The following DEFB114 variants were observed in gnomAD, a reference collection of about 807,000 sequenced individuals.
DEFB114 encodes beta-defensin 114.
Under a neutral mutation model 2.4 loss-of-function variants are expected in DEFB114, and 4 were observed. That is an observed-to-expected ratio of 1.67 (90% CI 0.82 to 3.82). DEFB114 has a LOEUF of 3.82. Ranked by LOEUF, DEFB114 falls within the 30% of genes most tolerant of loss-of-function variation. DEFB114 has a pLI of 0.01. For synonymous variants in DEFB114, 35 were observed against 24.6 expected, an observed-to-expected ratio of 1.42 and a Z score of -1.26; for missense variants, 113 against 85.8, an observed-to-expected ratio of 1.32 and a Z score of -1.25.
chr6:49,961,436 C>A (rs993364213), intron 1 of DEFB114, among the ~76,000 whole-genome samples: 1 of 150,516 alleles, frequency 6.6e-6, no homozygotes, highest in Non-Finnish European at 1.5e-5. Context: ...AATTTCTTCA[C>A]CTCTTTAAAT....
intron 1 of DEFB114, among the ~76,000 whole-genome samples, chr6:49,960,797 GT>G (rs528595983): frequency 6.6e-6 from 1 of 150,564 alleles, no homozygotes; most frequent in Non-Finnish European, 1.5e-5. Context: ...CATATCTAAA[GT>G]TTTTAATATT....
chr6:49,963,159 C>A (rs1773489890), intron 1 of DEFB114, among the ~76,000 whole-genome samples: 1 of 150,020 alleles, frequency 6.7e-6, no homozygotes, highest in Non-Finnish European at 1.5e-5. Flanking sequence ...TTTATGAGAT[C>A]AACAATACCT....
At chr6:49,961,315 TTTTA>T (rs1484373301) in intron 1 of DEFB114, among the ~76,000 whole-genome samples, 1 of 150,702 alleles carries the variant, frequency 6.6e-6, no homozygotes, top group African/African-American at 2.4e-5. Context: ...CATCATAGTA[TTTTA>T]TTTATTATAG....
rs754276819 is a variant in DEFB114 at position 49,960,324 on chromosome 6, C to T, written c.178G>A (p.Glu60Lys). The change falls in exon 2 of 2, where the codon GAG (glutamate) becomes AAG (lysine). Residue 60 changes from glutamate (E) to lysine (K), a missense_variant. Transcript: ENST00000322066. ...ATATCATCTTCTTCATACAATTTCT[C>T]AGTGCAGCAAATTTTTCTTGGTAAG... ...CSLPRKICCT[E>K]KLYEEDDMF 5 of 1,606,114 alleles carry T rather than the reference C, an allele frequency of 3.1e-6. No homozygotes were observed. The Admixed American group carries it at 8.5e-5, about 27-fold the overall frequency.
At chr6:49,962,921 G>GA (rs753869010) in intron 1 of DEFB114, among the ~76,000 whole-genome samples, 4 of 149,826 alleles carry the variant, frequency 2.7e-5, no homozygotes, top group Admixed American at 6.7e-5. Flanking sequence ...GATAATTTCT[G>GA]AAAAAATTAC....
chr6:49,961,197 T>A (rs1263337506), intron 1 of DEFB114, among the ~76,000 whole-genome samples: 2 of 150,728 alleles, frequency 1.3e-5, no homozygotes, highest in Admixed American at 1.3e-4. Flanking sequence ...ATATTCAATT[T>A]AAAAAATGTA....
intron 1 of DEFB114, 78 bp from the exon 2 acceptor site, chr6:49,960,524 G>A: frequency 1.4e-6 from 2 of 1,412,820 alleles, no homozygotes; most frequent in Non-Finnish European, 9.4e-7. Context: ...AGAGTATGAT[G>A]TGTACATTGT....
At chr6:49,963,328 T>C (rs1038121838) in intron 1 of DEFB114, among the ~76,000 whole-genome samples, 1 of 150,216 alleles carries the variant, frequency 6.7e-6, no homozygotes, top group African/African-American at 2.4e-5. Flanking sequence ...CACTTTTTCT[T>C]TACAGTTTTG....
At chr6:49,961,294 A>C (rs746892261) in intron 1 of DEFB114, among the ~76,000 whole-genome samples, 1 of 150,740 alleles carries the variant, frequency 6.6e-6, no homozygotes, top group African/African-American at 2.4e-5. Flanking sequence ...AAATTCTTGC[A>C]TAGATTTTTT....
rs1284879677 is a variant in DEFB114 at position 49,960,251 on chromosome 6, G to GT, written c.*40dup. 1 of 1,549,828 alleles carries GT rather than the reference G, an allele frequency of 6.5e-7. No homozygotes were observed. The highest frequency in any genetic ancestry group is 2.3e-5 in the East Asian group (1 of 42,798). ...TATATTCCCACACCTCTCTGCACTG[G>GT]TGCACATGTAACTTCTTTGTTCAGA... is the stretch of plus-strand genomic sequence containing the variant. On this transcript the variant is annotated 3_prime_UTR_variant, in exon 2 of 2. Coordinates refer to ENST00000322066, the MANE Select transcript of DEFB114 (RefSeq NM_001037499.2).
At chr6:49,960,472 A>G (rs769069775) in intron 1 of DEFB114, 26 bp from the exon 2 acceptor site, 48 of 1,571,384 alleles carry the variant, frequency 3.1e-5, no homozygotes, top group Non-Finnish European at 4.0e-5. Context: ...AGTAACAGAA[A>G]TTCTAATCTT....
intron 1 of DEFB114, 71 bp from the exon 2 acceptor site, chr6:49,960,517 G>A (rs2113911394): frequency 6.9e-7 from 1 of 1,459,396 alleles, no homozygotes; most frequent in Non-Finnish European, 9.2e-7. Flanking sequence ...ATTTCATAGA[G>A]TATGATGTGT....
At position 49,960,584 on chromosome 6, in the gene DEFB114, C is replaced by T. The variant is rs1020740563; in HGVS notation, c.56-138G>A. The T allele has an allele frequency of 5.2e-6, 4 of 772,698 alleles. No individual in the cohort carries two copies. In the African/African-American group the frequency reaches 7.3e-5, roughly 14 times the overall value. The allele number at this position is 772,698 out of a possible 1,614,324, so 47.9% of individuals were successfully genotyped here. On this transcript the variant is annotated intron_variant, in intron 1 of 1. Transcript: ENST00000322066. ...AAAATAAATCCATGTATATCTTATA[C>T]CCCATGTATATATAACTATCTTATA...
intron 1 of DEFB114, 107 bp from the exon 2 acceptor site, chr6:49,960,553 C>T (rs1482408944): frequency 8.5e-7 from 1 of 1,179,262 alleles, no homozygotes; most frequent in Non-Finnish European, 1.1e-6. Context: ...TAGAAAATAC[C>T]AAAAAAAAAT....
rs541569350 is a variant in DEFB114, at chr6:49,962,736, T to C, written c.55+1315A>G. On this transcript the variant is annotated intron_variant, in intron 1 of 1. Transcript: ENST00000322066. ...GCATCTCAGGTTATTTGGAATGAGATTTTGGATGTGGTAAGAGGCAATAGT... is the reference window on the plus strand; with the variant it reads ...GCATCTCAGGTTATTTGGAATGAGACTTTGGATGTGGTAAGAGGCAATAGT... Among the ~76,000 whole-genome samples the C allele has an allele frequency of 4.7e-4, 71 of 150,466 alleles. 1 individual carries two copies. Among genetic ancestry groups the C allele is most frequent in the Middle Eastern group, 3.4e-3 (1 of 294 alleles).
rs139140570 is a variant in DEFB114, at chr6:49,964,122, G to T, written c.-17C>A. ...GATCCTCATTCTGTAGAAAGAAGTT[G>T]TTGAAAGACTTGATAACAGAATATA... On this transcript the variant is annotated 5_prime_UTR_variant, in exon 1 of 2. Transcript: ENST00000322066. The T allele has an allele frequency of 3.9e-5, 61 of 1,564,300 alleles. No homozygotes were observed. In the Middle Eastern group the frequency reaches 3.4e-3, roughly 87 times the overall value.
chr6:49,963,107 C>T (rs1284775206), intron 1 of DEFB114, among the ~76,000 whole-genome samples: 1 of 150,130 alleles, frequency 6.7e-6, no homozygotes, highest in Non-Finnish European at 1.5e-5. Flanking sequence ...TATACACAAA[C>T]TTTTCCAGAT....
chr6:49,962,558 G>A (rs74679907), intron 1 of DEFB114, among the ~76,000 whole-genome samples: 1,703 of 150,112 alleles, frequency 0.011, 33 homozygotes, highest in African/African-American at 0.039. Flanking sequence ...TTTTTAGTTG[G>A]TGTTTTTTGA....
At chr6:49,963,523 T>C (rs1773495242) in intron 1 of DEFB114, among the ~76,000 whole-genome samples, 1 of 149,956 alleles carries the variant, frequency 6.7e-6, no homozygotes, top group Admixed American at 6.7e-5. Context: ...TAGTTTTAAT[T>C]CTTTTTAGAT....
Sources: gnomAD v4.1 joint callset for allele counts (sites outside exome capture counted in the v4.1 genomes callset) on GRCh38, gnomAD v4.1.1 for gene constraint, MANE v1.5 for transcripts, NCBI Gene and HGNC (gene_info 2026-07-23, HGNC 2026-07-21) for gene names.